Variants in SCRN1 observed in about 807,000 individuals in gnomAD.
The protein encoded by SCRN1 is secernin-1.
In SCRN1, 19 loss-of-function variants were observed where a neutral mutation model predicts 43.3. That is an observed-to-expected ratio of 0.44 (90% CI 0.31 to 0.64). The LOEUF (loss-of-function observed/expected upper bound fraction) is 0.64, where lower values mean the gene tolerates loss of function less well. Among genes scored for constraint, SCRN1 ranks in the 30% least tolerant of loss-of-function variants. The pLI, the probability that SCRN1 is intolerant of heterozygous loss-of-function variation, is 0.09. For synonymous variants in SCRN1, 183 were observed against 188.9 expected (o/e 0.97, Z 0.26); for missense variants, 447 against 524.1 (o/e 0.85, Z 1.44).
At chr7:29,958,645 A>C (rs1788211878) in intron 2 of SCRN1, among the ~76,000 whole-genome samples, 3 of 152,270 alleles carry the variant, frequency 2.0e-5, no homozygotes, top group African/African-American at 7.2e-5. Flanking sequence ...TCACCACTTA[A>C]AAGATGGATC....
intron 6 of SCRN1, among the ~76,000 whole-genome samples, chr7:29,933,149 G>A (rs766392444): frequency 6.6e-6 from 1 of 152,112 alleles, no homozygotes; most frequent in Non-Finnish European, 1.5e-5. Context: ...CAAAGTGCTG[G>A]GATTACAGGC....
At chr7:29,928,322 T>C (rs2128086374) in intron 6 of SCRN1, among the ~76,000 whole-genome samples, 1 of 152,038 alleles carries the variant, frequency 6.6e-6, no homozygotes, top group African/African-American at 2.4e-5. Context: ...TCATAACATA[T>C]CCCAGTCTGA....
At chr7:29,934,843 G>C (rs1010308026) in intron 6 of SCRN1, among the ~76,000 whole-genome samples, 1 of 152,228 alleles carries the variant, frequency 6.6e-6, no homozygotes, top group Non-Finnish European at 1.5e-5. Flanking sequence ...TTGTTTCACA[G>C]AGGGGCTGGG....
intron 1 of SCRN1, among the ~76,000 whole-genome samples, chr7:29,984,458 T>C (rs982210015): frequency 6.6e-6 from 1 of 151,632 alleles, no homozygotes; most frequent in Non-Finnish European, 1.5e-5. Flanking sequence ...AACTAGGAAA[T>C]ACATGAAAAA....
intron 3 of SCRN1, chr7:29,947,061 C>T (rs996254448): frequency 1.4e-5 from 15 of 1,040,600 alleles, no homozygotes; most frequent in Admixed American, 1.2e-4. Flanking sequence ...TTGGCTGCTA[C>T]CCCTCTGCCT....
chr7:29,940,032 C>T lies in SCRN1; in HGVS notation c.739+650G>A, dbSNP rs865992441. ...AGAAATGGTGGCATATGTTTGTAGT[C>T]CCAGCTGTTGGGATGGCAGCAGGGG... On this transcript the variant is annotated intron_variant, in intron 5 of 7. Coordinates refer to ENST00000242059, the MANE Select transcript of SCRN1 (RefSeq NM_014766.5). Among the ~76,000 whole-genome samples the T allele has an allele frequency of 3.3e-5, 5 of 151,898 alleles. No homozygotes were observed. In the South Asian group the frequency reaches 8.3e-4, roughly 25 times the overall value.
rs150361714 is a variant in SCRN1 at position 29,940,771 on chromosome 7, T to G, written c.650A>C (p.Glu217Ala). The G allele has an allele frequency of 6.2e-5, 100 of 1,610,178 alleles. No individual in the cohort carries two copies. The highest frequency in any genetic ancestry group is 8.3e-5 in the Non-Finnish European group (98 of 1,178,984). The change falls in exon 5 of 8, where the codon GAG becomes GCG. Residue 217 changes from glutamate (E) to alanine (A), a missense_variant. Glu to Ala is a moderately radical substitution (Grantham distance 107). Transcript: ENST00000242059. ...YAQSQGWWTG[E>A]GEFNFSEVFS... ...GACTTCGGAAAAATTGAACTCGCCC[T>G]CTCCCGTCCACCAACCTTGGCTCTG...
Position 29,989,627 on chromosome 7 carries a change from C to T in SCRN1, c.-2+15G>A. The T allele has an allele frequency of 1.0e-6, 1 of 985,694 alleles. No homozygotes were observed. Among genetic ancestry groups the T allele is most frequent in the Non-Finnish European group, 1.2e-6 (1 of 830,152 alleles). The allele number at this position is 985,694 out of a possible 1,614,324, so 61.1% of individuals were successfully genotyped here. On this transcript the variant is annotated intron_variant, in intron 1 of 7. Transcript: ENST00000242059. Reference sequence around the variant, plus strand: ...GCAGCGCTGCAAACGCCCTGCGCTCCCAGACGCGGCTCACCTGGGGCGGCG... The same window carrying T: ...GCAGCGCTGCAAACGCCCTGCGCTCTCAGACGCGGCTCACCTGGGGCGGCG...
At chr7:29,937,543 G>T (rs1182978846) in intron 5 of SCRN1, among the ~76,000 whole-genome samples, 1 of 152,126 alleles carries the variant, frequency 6.6e-6, no homozygotes, top group East Asian at 1.9e-4. Flanking sequence ...ATATCCACAA[G>T]AAAGTACATA....
chr7:29,970,692 CTTG>C (rs1263871799), intron 1 of SCRN1, among the ~76,000 whole-genome samples: 1 of 152,160 alleles, frequency 6.6e-6, no homozygotes, highest in Non-Finnish European at 1.5e-5. Flanking sequence ...GGGTTCTTTT[CTTG>C]TTTATTAATA....
intron 3 of SCRN1, among the ~76,000 whole-genome samples, chr7:29,949,840 C>A (rs1171208543): frequency 6.7e-6 from 1 of 149,678 alleles, no homozygotes; most frequent in Non-Finnish European, 1.5e-5. Flanking sequence ...CAACCAGCTA[C>A]AATTTGCATT....
intron 1 of SCRN1, among the ~76,000 whole-genome samples, chr7:29,974,393 A>T (rs906123191): frequency 6.6e-6 from 1 of 152,184 alleles, no homozygotes; most frequent in African/African-American, 2.4e-5. Flanking sequence ...CAGAGAGCAC[A>T]CAATGTTTCA....
intron 1 of SCRN1, among the ~76,000 whole-genome samples, chr7:29,974,670 A>ATTCT (rs770534663): frequency 6.7e-5 from 10 of 148,608 alleles, no homozygotes; most frequent in African/African-American, 1.7e-4. Flanking sequence ...TGTTTACACG[A>ATTCT]TTCTTTCTTT....
chr7:29,927,647 A>G (rs1448264543), intron 6 of SCRN1, among the ~76,000 whole-genome samples: 1 of 152,172 alleles, frequency 6.6e-6, no homozygotes, highest in Non-Finnish European at 1.5e-5. Context: ...CCCCATATGT[A>G]TAGGTCAGAT....
In SCRN1 at chr7:29,925,637, T is replaced by C. The variant is rs377115853; in HGVS notation, c.1086+815A>G. Reference sequence around the variant, plus strand: ...TGGGTGGTTTTCTTGTTTGAATTGATGACTTATCACTTTATTAACCAAAGG... The same window carrying C: ...TGGGTGGTTTTCTTGTTTGAATTGACGACTTATCACTTTATTAACCAAAGG... On this transcript the variant is annotated intron_variant, in intron 7 of 7. Transcript: ENST00000242059. Among the ~76,000 whole-genome samples, 22 of 152,318 alleles carry C rather than the reference T, an allele frequency of 1.4e-4. No homozygotes were observed. In the South Asian group the frequency reaches 4.3e-3, roughly 30 times the overall value.
chr7:29,977,842 T>C (rs906663455), intron 1 of SCRN1, among the ~76,000 whole-genome samples: 1 of 152,226 alleles, frequency 6.6e-6, no homozygotes, highest in African/African-American at 2.4e-5. Flanking sequence ...GAGATTTAAA[T>C]GAGATAATGC....
chr7:29,923,894 G>T lies in SCRN1; in HGVS notation c.*63C>A. Reference sequence around the variant, plus strand: ...TTTTACTCAAACAGGAGAGTGGTTTGTTTTGCTGGTAATTTAGTAAGGTGG... The same window carrying T: ...TTTTACTCAAACAGGAGAGTGGTTTTTTTTGCTGGTAATTTAGTAAGGTGG... On this transcript the variant is annotated 3_prime_UTR_variant, in exon 8 of 8. Transcript: ENST00000242059. The T allele has an allele frequency of 6.6e-7, 1 of 1,516,572 alleles. No homozygotes were observed. Among genetic ancestry groups the T allele is most frequent in the Non-Finnish European group, 8.9e-7 (1 of 1,123,976 alleles). The allele number at this position is 1,516,572 out of a possible 1,614,324, so 93.9% of individuals were successfully genotyped here.
chr7:29,925,934 A>G (rs1304230832), intron 7 of SCRN1, among the ~76,000 whole-genome samples: 1 of 152,054 alleles, frequency 6.6e-6, no homozygotes, highest in Non-Finnish European at 1.5e-5. Context: ...CATATGTATT[A>G]TAACATAAGA....
At chr7:29,926,957 T>G (rs1214015208) in intron 6 of SCRN1, among the ~76,000 whole-genome samples, 1 of 151,234 alleles carries the variant, frequency 6.6e-6, no homozygotes, top group East Asian at 1.9e-4. Context: ...TGAGAAACGG[T>G]GCAAGGAGCC....
Sources: allele counts gnomAD v4.1 joint callset (sites outside exome capture counted in the v4.1 genomes callset), GRCh38; gene constraint gnomAD v4.1.1; transcripts MANE v1.5; gene names NCBI Gene and HGNC (gene_info 2026-07-23, HGNC 2026-07-21).